The following PRRX2 variants were observed in gnomAD, a reference collection of about 807,000 sequenced individuals.
PRRX2 encodes the protein paired mesoderm homeobox protein 2.
PRRX2 carries 11 observed loss-of-function variants against 18.0 expected under a neutral mutation model. That is an observed-to-expected ratio of 0.61 (90% CI 0.39 to 1.01). The LOEUF (loss-of-function observed/expected upper bound fraction) is 1.01. Among genes scored for constraint, PRRX2 ranks in the 50% least tolerant of loss-of-function variants. PRRX2 has a pLI of 0.01. For missense variants in PRRX2, 387 were observed against 351.0 expected (o/e 1.10, Z -0.82); for synonymous variants, 177 against 154.8 (o/e 1.14, Z -1.06).
In PRRX2 at chr9:129,722,293, C is replaced by G. The variant is rs769631139; in HGVS notation, c.703C>G (p.Leu235Val). ...CAACATGGCCAACAGCATCGCCAGCCTCCGTCTCAAGGCCAAGGAGTTCAG... is the reference window on the plus strand; with the variant it reads ...CAACATGGCCAACAGCATCGCCAGCGTCCGTCTCAAGGCCAAGGAGTTCAG... ...GVNMANSIASLRLKAKEFSLH... is the reference protein window; with the variant it reads ...GVNMANSIASVRLKAKEFSLH... Residue 235 changes from leucine (L) to valine (V), a missense_variant, in exon 4 of 4, where the codon CTC becomes GTC. Leu to Val is a conservative substitution (Grantham distance 32). Coordinates refer to ENST00000372469, the MANE Select transcript of PRRX2 (RefSeq NM_016307.4). 6.2e-7 allele frequency: 1 copy of G among 1,614,070 alleles called. No individual in the cohort carries two copies. Among genetic ancestry groups the G allele is most frequent in the South Asian group, 1.1e-5 (1 of 91,080 alleles).
intron 1 of PRRX2, among the ~76,000 whole-genome samples, chr9:129,674,201 T>C (rs1832136974): frequency 6.6e-6 from 1 of 152,164 alleles, no homozygotes; most frequent in Non-Finnish European, 1.5e-5. Context: ...TCTGTGTCCC[T>C]TCCACATCAC....
chr9:129,671,075 C>T lies in PRRX2; in HGVS notation c.259+4949C>T, dbSNP rs113752554. On this transcript the variant is annotated intron_variant, in intron 1 of 3. Transcript: ENST00000372469. The surrounding 1 kb of genome is among the most constrained non-coding windows in gnomAD (Gnocchi z 4.0). ...GCGTACAAGGGTTGGGAGGCCCTCC[C>T]GACTGAGATGATTTGACTCAGGCTT... Among the ~76,000 whole-genome samples the T allele has an allele frequency of 1.3e-5, 2 of 152,308 alleles. No homozygotes were observed. Among genetic ancestry groups the T allele is most frequent in the African/African-American group, 4.8e-5 (2 of 41,554 alleles).
chr9:129,684,532 A>ACACACACACACACAC (rs1165343797), intron 1 of PRRX2, among the ~76,000 whole-genome samples: 1 of 140,282 alleles, frequency 7.1e-6, no homozygotes, highest in Non-Finnish European at 1.5e-5. Context: ...ACCCACACAC[A>ACACACACACACACAC]CCCCAACAGA....
Position 129,695,091 on chromosome 9 carries a change from A to G in PRRX2, c.260-24140A>G, listed in dbSNP as rs972723483. ...ATCTTTTGGGGTCACCTAGCAGTCC[A>G]GGGAGAACCCCAACACCCCACAGGC... On this transcript the variant is annotated intron_variant, in intron 1 of 3. Coordinates refer to ENST00000372469, the MANE Select transcript of PRRX2 (RefSeq NM_016307.4). The surrounding 1 kb of genome is among the most constrained non-coding windows in gnomAD (Gnocchi z 4.8). Among the ~76,000 whole-genome samples the G allele has an allele frequency of 1.3e-5, 2 of 152,198 alleles. No individual in the cohort carries two copies. Among genetic ancestry groups the G allele is most frequent in the African/African-American group, 2.4e-5 (1 of 41,454 alleles).
intron 1 of PRRX2, among the ~76,000 whole-genome samples, chr9:129,710,505 G>C (rs532993370): frequency 6.6e-6 from 1 of 152,168 alleles, no homozygotes; most frequent in Admixed American, 6.5e-5. Context: ...AGGCTGAGGC[G>C]GGTGGACCAC....
At position 129,719,217 on chromosome 9, in the gene PRRX2, C is replaced by G. The variant is rs771071390; in HGVS notation, c.260-14C>G. 39 of 1,558,486 alleles carry G rather than the reference C, an allele frequency of 2.5e-5. No individual in the cohort carries two copies. Among genetic ancestry groups the G allele is most frequent in the African/African-American group, 6.8e-5 (5 of 73,322 alleles). On this transcript the variant is annotated splice_polypyrimidine_tract_variant and intron_variant, in intron 1 of 3. Transcript: ENST00000372469. ...GCCGTCCTGCTGACCATCCCGCCCCCCCAACCTCCGCAGGTGAGTGTCCCA... is the reference window on the plus strand; with the variant it reads ...GCCGTCCTGCTGACCATCCCGCCCCGCCAACCTCCGCAGGTGAGTGTCCCA...
chr9:129,704,738 C>T (rs1047704757), intron 1 of PRRX2, among the ~76,000 whole-genome samples: 4 of 152,264 alleles, frequency 2.6e-5, no homozygotes, highest in Non-Finnish European at 4.4e-5. Flanking sequence ...ACCCTGAGTC[C>T]TCGAGACGAC....
intron 1 of PRRX2, among the ~76,000 whole-genome samples, chr9:129,710,568 C>G (rs1385842857): frequency 6.6e-6 from 1 of 152,150 alleles, no homozygotes; most frequent in African/African-American, 2.4e-5. Flanking sequence ...CCCGTCTCTA[C>G]TAAAAATACA....
At chr9:129,699,673 T>C (rs1315659797) in intron 1 of PRRX2, among the ~76,000 whole-genome samples, 4 of 152,178 alleles carry the variant, frequency 2.6e-5, no homozygotes, top group Non-Finnish European at 5.9e-5. Context: ...CTGCTATGCA[T>C]CCGCCCGGAA....
chr9:129,693,365 G>A (rs1336903482), intron 1 of PRRX2, among the ~76,000 whole-genome samples: 5 of 152,170 alleles, frequency 3.3e-5, no homozygotes, highest in Non-Finnish European at 5.9e-5. Context: ...AGGCCAAGGC[G>A]GGCGGATCAC....
chr9:129,684,591 C>T (rs1426655917), intron 1 of PRRX2, among the ~76,000 whole-genome samples: 1 of 152,000 alleles, frequency 6.6e-6, no homozygotes, highest in East Asian at 1.9e-4. Context: ...ATGATTGGGT[C>T]CTTACCCACT....
intron 2 of PRRX2, among the ~76,000 whole-genome samples, 191 bp downstream of exon 2, chr9:129,719,609 C>T (rs1195029533): frequency 1.3e-5 from 2 of 152,266 alleles, no homozygotes; most frequent in South Asian, 2.1e-4. Context: ...CTTAAGCTGT[C>T]TGTGCTGCAG....
At chr9:129,681,515 A>G (rs1832230197) in intron 1 of PRRX2, among the ~76,000 whole-genome samples, 1 of 151,706 alleles carries the variant, frequency 6.6e-6, no homozygotes, top group Non-Finnish European at 1.5e-5. Flanking sequence ...GCAAGACTCC[A>G]TTTCAAAAAA....
At chr9:129,679,194 G>A (rs548520977) in intron 1 of PRRX2, among the ~76,000 whole-genome samples, 7 of 152,200 alleles carry the variant, frequency 4.6e-5, no homozygotes, top group Non-Finnish European at 7.3e-5. Flanking sequence ...TGTCCCAAGT[G>A]CATGACGACC....
chr9:129,691,819 C>T (rs746632225), intron 1 of PRRX2, among the ~76,000 whole-genome samples: 1 of 151,570 alleles, frequency 6.6e-6, no homozygotes, highest in African/African-American at 2.4e-5. Context: ...GCTGGGACTA[C>T]AGGCACACAC....
intron 1 of PRRX2, among the ~76,000 whole-genome samples, chr9:129,698,442 G>GC (rs1832456641): frequency 6.6e-6 from 1 of 152,216 alleles, no homozygotes; most frequent in African/African-American, 2.4e-5. Context: ...CTGGTGTGCA[G>GC]CCCTTCCCCA....
chr9:129,667,807 C>T (rs189717281), intron 1 of PRRX2, among the ~76,000 whole-genome samples: 2 of 152,248 alleles, frequency 1.3e-5, no homozygotes, highest in East Asian at 1.9e-4. Context: ...GGGATGTGGG[C>T]GCCTAGACAA....
At chr9:129,711,408 T>TC (rs1832617563) in intron 1 of PRRX2, among the ~76,000 whole-genome samples, 1 of 144,848 alleles carries the variant, frequency 6.9e-6, no homozygotes, top group African/African-American at 2.6e-5. Flanking sequence ...TCTTTTTTTT[T>TC]TTTTTTTTTT....
chr9:129,669,491 C>A (rs12343795), intron 1 of PRRX2, among the ~76,000 whole-genome samples: 5,757 of 152,300 alleles, frequency 0.038, 347 homozygotes, highest in African/African-American at 0.13. Flanking sequence ...GGAAAATAAA[C>A]AAAGCCCCTA....
Sources: allele counts gnomAD v4.1 joint callset (sites outside exome capture counted in the v4.1 genomes callset), GRCh38; gene constraint gnomAD v4.1.1; non-coding constraint Gnocchi (gnomAD v3.1); transcripts MANE v1.5; gene names NCBI Gene and HGNC (gene_info 2026-07-23, HGNC 2026-07-21).